The following CDH4 variants were observed in gnomAD, a reference collection of about 807,000 sequenced individuals.
The protein encoded by CDH4 is cadherin-4.
CDH4 carries 33 observed loss-of-function variants against 86.0 expected under a neutral mutation model. That is an observed-to-expected ratio of 0.38 (90% CI 0.29 to 0.51). The LOEUF is 0.51. Among genes scored for constraint, CDH4 ranks in the 20% least tolerant of loss-of-function variants. CDH4 has a pLI of 0.86. For synonymous variants in CDH4, 555 were observed against 549.4 expected (o/e 1.01, Z -0.14); for missense variants, 1,114 against 1,307.4 (o/e 0.85, Z 2.28).
At chr20:61,818,940 G>T (rs1321102655) in intron 4 of CDH4, among the ~76,000 whole-genome samples, 1 of 152,208 alleles carries the variant, frequency 6.6e-6, no homozygotes, top group South Asian at 2.1e-4. Context: ...TGCTTATCCT[G>T]CGTCCCAGCC....
intron 2 of CDH4, among the ~76,000 whole-genome samples, chr20:61,659,196 G>A (rs1420320088): frequency 3.9e-5 from 6 of 152,310 alleles, no homozygotes; most frequent in East Asian, 1.9e-4. Context: ...TGCACCACCC[G>A]TGACACTCGT....
At chr20:61,886,922 C>A (rs561739217) in intron 7 of CDH4, among the ~76,000 whole-genome samples, 1 of 152,264 alleles carries the variant, frequency 6.6e-6, no homozygotes, top group South Asian at 2.1e-4. Context: ...GCCCGCCTCA[C>A]AGGAATGAAA....
chr20:61,814,076 G>A (rs1980584699), intron 4 of CDH4, among the ~76,000 whole-genome samples: 1 of 152,204 alleles, frequency 6.6e-6, no homozygotes, highest in South Asian at 2.1e-4. Flanking sequence ...CAGGTGCCGG[G>A]CCCATGTGCA....
intron 2 of CDH4, among the ~76,000 whole-genome samples, chr20:61,590,714 G>C (rs2086512140): frequency 6.6e-6 from 1 of 152,056 alleles, no homozygotes; most frequent in Non-Finnish European, 1.5e-5. Flanking sequence ...GTGGGCCCGA[G>C]TCAGAGACGG....
At chr20:61,876,208 T>G (rs543130856) in intron 7 of CDH4, among the ~76,000 whole-genome samples, 25 of 152,246 alleles carry the variant, frequency 1.6e-4, no homozygotes, top group African/African-American at 5.1e-4. Flanking sequence ...AGGGGCAGGG[T>G]CAGGGGTTAC....
At chr20:61,739,597 C>T (rs894567011) in intron 2 of CDH4, among the ~76,000 whole-genome samples, 4 of 152,256 alleles carry the variant, frequency 2.6e-5, no homozygotes, top group Non-Finnish European at 5.9e-5. Context: ...CCAGTTACAA[C>T]CTCTGTGTCC....
intron 8 of CDH4, among the ~76,000 whole-genome samples, chr20:61,898,886 C>A (rs1246043403): frequency 6.6e-6 from 1 of 152,226 alleles, no homozygotes; most frequent in Non-Finnish European, 1.5e-5. Context: ...GGGTGGCGAG[C>A]AGACAAGGTT....
chr20:61,328,389 A>C (rs1177197116), intron 2 of CDH4, among the ~76,000 whole-genome samples: 1 of 152,126 alleles, frequency 6.6e-6, no homozygotes, highest in Non-Finnish European at 1.5e-5. Flanking sequence ...GTTAGCCAGG[A>C]TGGTCTCAAT....
At chr20:61,571,424 G>C (rs777871205) in intron 2 of CDH4, among the ~76,000 whole-genome samples, 1 of 152,198 alleles carries the variant, frequency 6.6e-6, no homozygotes, top group Non-Finnish European at 1.5e-5. Flanking sequence ...TGGGCTGTAG[G>C]TTTCCAGGCG....
rs560069134 is a variant in CDH4 at position 61,940,041 on chromosome 20, C to T, written c.*3098C>T. 3.3e-5 allele frequency: 5 copies of T among 152,276 alleles called. 1 individual carries two copies. The South Asian group carries it at 1.0e-3, about 32-fold the overall frequency. 9.4% of individuals were successfully genotyped at this position (152,276 alleles called of 1,614,324 possible). A position where few individuals can be genotyped will look rare whatever the true frequency, so the allele number is the denominator to read the frequency against. ...GATGATAATTCTGTTCTCTCCAAAGCAAAAAGCTGGGCGAGGGGTAGTCTC... is the reference window on the plus strand; with the variant it reads ...GATGATAATTCTGTTCTCTCCAAAGTAAAAAGCTGGGCGAGGGGTAGTCTC... On this transcript the variant is annotated 3_prime_UTR_variant, in exon 16 of 16. Transcript: ENST00000614565.
chr20:61,270,763 G>C (rs1200648332), intron 2 of CDH4, among the ~76,000 whole-genome samples: 1 of 152,224 alleles, frequency 6.6e-6, no homozygotes, highest in Non-Finnish European at 1.5e-5. Flanking sequence ...GTAAATGGTA[G>C]TGGGGTGGGG....
intron 2 of CDH4, among the ~76,000 whole-genome samples, chr20:61,348,619 G>A (rs2084692866): frequency 6.6e-6 from 1 of 152,136 alleles, no homozygotes; most frequent in African/African-American, 2.4e-5. Flanking sequence ...AATAACCCAG[G>A]ATCAGTTTAT....
intron 2 of CDH4, among the ~76,000 whole-genome samples, chr20:61,525,171 C>T (rs2085901253): frequency 6.6e-6 from 1 of 152,090 alleles, no homozygotes; most frequent in Non-Finnish European, 1.5e-5. Flanking sequence ...CTCAGTCATC[C>T]CCCCTATAAT....
At chr20:61,364,594 C>T (rs916892420) in intron 2 of CDH4, among the ~76,000 whole-genome samples, 4 of 152,236 alleles carry the variant, frequency 2.6e-5, no homozygotes, top group Non-Finnish European at 4.4e-5. Flanking sequence ...AGCTCACCCT[C>T]TCCTTGGCTC....
At position 61,532,117 on chromosome 20, in the gene CDH4, T is replaced by C. The variant is rs548602315; in HGVS notation, c.170-211446T>C. On this transcript the variant is annotated intron_variant, in intron 2 of 15. Coordinates refer to ENST00000614565, the MANE Select transcript of CDH4 (RefSeq NM_001794.5). The stretch of plus-strand genomic sequence containing the variant: ...TGTGAGCAAGACCCTAAGAAGCTGC[T>C]GCCCTCCGTGTCCTGACTGTGTGAG... Among the ~76,000 whole-genome samples the C allele has an allele frequency of 2.6e-5, 4 of 152,306 alleles. No homozygotes were observed. In the South Asian group the frequency reaches 8.3e-4, roughly 32 times the overall value.
At chr20:61,361,015 G>A (rs1318115400) in intron 2 of CDH4, among the ~76,000 whole-genome samples, 1 of 152,058 alleles carries the variant, frequency 6.6e-6, no homozygotes, top group African/African-American at 2.4e-5. Flanking sequence ...AAAAGGGGAT[G>A]CCCTTCAAGT....
Position 61,639,471 on chromosome 20 carries a change from C to T in CDH4, c.170-104092C>T, listed in dbSNP as rs575085326. Among the ~76,000 whole-genome samples, 103 of 152,322 alleles carry T rather than the reference C, an allele frequency of 6.8e-4. 1 individual carries two copies. Among genetic ancestry groups the T allele is most frequent in the African/African-American group, 2.4e-3 (98 of 41,572 alleles). On this transcript the variant is annotated intron_variant, in intron 2 of 15. Transcript: ENST00000614565. ...TTTCCTTGGTATGCTGGCTAATGTT[C>T]AATGCTTACAGTTCCTAACCTGAAA...
chr20:61,488,673 G>A (rs1163179875), intron 2 of CDH4, among the ~76,000 whole-genome samples: 1 of 152,226 alleles, frequency 6.6e-6, no homozygotes, highest in Non-Finnish European at 1.5e-5. Context: ...CTCTGCAGCT[G>A]CCAATATTTG....
chr20:61,795,414 TA>T (rs1483022538), intron 4 of CDH4, among the ~76,000 whole-genome samples: 2 of 151,892 alleles, frequency 1.3e-5, no homozygotes, highest in Non-Finnish European at 2.9e-5. Context: ...CCTCTGCCTT[TA>T]AGGAGCCCCC....
Sources: gnomAD v4.1 joint callset for allele counts (sites outside exome capture counted in the v4.1 genomes callset) on GRCh38, gnomAD v4.1.1 for gene constraint, MANE v1.5 for transcripts, NCBI Gene and HGNC (gene_info 2026-07-23, HGNC 2026-07-21) for gene names.